MYT1L: variants seen among roughly 807,000 people sequenced by gnomAD.
The protein encoded by MYT1L is myelin transcription factor 1 like.
In MYT1L, 12 loss-of-function variants were observed where a neutral mutation model predicts 126.7. The ratio of observed to expected loss-of-function variants is 0.09; its 90% CI spans 0.06 to 0.15. The LOEUF is 0.15. MYT1L is among the 10% of genes least tolerant of loss of function. The probability of loss-of-function intolerance (pLI) is 1.00; values close to 1 mark genes in which losing one functional copy is unlikely to be tolerated. For missense variants in MYT1L, 979 were observed against 1,585.2 expected, an observed-to-expected ratio of 0.62 and a Z score of 6.49; for synonymous variants, 541 against 604.2, an observed-to-expected ratio of 0.90 and a Z score of 1.53.
chr2:2,123,254 G>A (rs1005687220), intron 3 of MYT1L, among the ~76,000 whole-genome samples: 1 of 152,210 alleles, frequency 6.6e-6, no homozygotes, highest in East Asian at 1.9e-4. Context: ...TGTGGGAGGC[G>A]GAATAATGCT....
At chr2:2,070,894 C>T (rs1024300648) in intron 3 of MYT1L, among the ~76,000 whole-genome samples, 2 of 152,136 alleles carry the variant, frequency 1.3e-5, no homozygotes, top group Non-Finnish European at 2.9e-5. Flanking sequence ...GTCTACATAC[C>T]TGCATTCCTA....
chr2:1,820,623 T>G (rs1411066599), intron 21 of MYT1L, among the ~76,000 whole-genome samples: 1 of 152,160 alleles, frequency 6.6e-6, no homozygotes, highest in Non-Finnish European at 1.5e-5. Flanking sequence ...TCATACTCAC[T>G]GCAGCCTCCA....
intron 3 of MYT1L, among the ~76,000 whole-genome samples, chr2:2,080,164 T>C (rs77689854): frequency 0.015 from 2,344 of 152,230 alleles, 58 homozygotes; most frequent in African/African-American, 0.054. Flanking sequence ...TATACAAACA[T>C]GGACGCAAAA....
intron 1 of MYT1L, among the ~76,000 whole-genome samples, chr2:2,306,461 C>A (rs2149565647): frequency 6.6e-6 from 1 of 152,202 alleles, no homozygotes. Flanking sequence ...ATCTTTATTC[C>A]ACATCATTGT....
intron 8 of MYT1L, among the ~76,000 whole-genome samples, chr2:1,953,045 C>T (rs2058031690): frequency 1.3e-5 from 2 of 150,542 alleles, no homozygotes; most frequent in East Asian, 4.0e-4. Context: ...TTTCCTTCCA[C>T]CCACCTCCAC....
chr2:2,097,943 G>A (rs955225131), intron 3 of MYT1L, among the ~76,000 whole-genome samples: 1 of 152,134 alleles, frequency 6.6e-6, no homozygotes, highest in Non-Finnish European at 1.5e-5. Flanking sequence ...CTGAGTTCAT[G>A]TAAGATCTGG....
chr2:2,147,590 C>T (rs1203914211), intron 3 of MYT1L, among the ~76,000 whole-genome samples: 1 of 152,254 alleles, frequency 6.6e-6, no homozygotes, highest in Admixed American at 6.5e-5. Context: ...CTGCCACCAA[C>T]ACTTCAGCTC....
At chr2:2,185,060 A>T (rs1400202041) in intron 2 of MYT1L, among the ~76,000 whole-genome samples, 3 of 152,174 alleles carry the variant, frequency 2.0e-5, no homozygotes, top group Non-Finnish European at 4.4e-5. Flanking sequence ...CAGCTCCTGC[A>T]TTTAGAAAAT....
intron 2 of MYT1L, among the ~76,000 whole-genome samples, chr2:2,283,949 G>A (rs1379059275): frequency 6.6e-6 from 1 of 152,170 alleles, no homozygotes; most frequent in Non-Finnish European, 1.5e-5. Context: ...AGGGCTTCAA[G>A]AGAGCCAGCC....
chr2:2,143,541 G>A (rs1048781747), intron 3 of MYT1L, among the ~76,000 whole-genome samples: 2 of 152,008 alleles, frequency 1.3e-5, no homozygotes, highest in African/African-American at 2.4e-5. Context: ...ACTTACTCAC[G>A]TACCACTGAG....
intron 1 of MYT1L, among the ~76,000 whole-genome samples, chr2:2,306,605 A>G (rs1241463818): frequency 1.3e-5 from 2 of 152,132 alleles, no homozygotes; most frequent in African/African-American, 2.4e-5. Flanking sequence ...CATAACACAG[A>G]TCAAAGAGAG....
At chr2:2,135,503 A>AT (rs1167192546) in intron 3 of MYT1L, among the ~76,000 whole-genome samples, 3 of 152,202 alleles carry the variant, frequency 2.0e-5, no homozygotes, top group African/African-American at 7.2e-5. Context: ...TAAGCTACTA[A>AT]TTTCTTACCT....
At chr2:1,837,859 T>G (rs547184889) in intron 21 of MYT1L, among the ~76,000 whole-genome samples, 1 of 151,000 alleles carries the variant, frequency 6.6e-6, no homozygotes, top group African/African-American at 2.4e-5. Flanking sequence ...AGGGATTAGG[T>G]CGGGGAAAGG....
chr2:1,977,421 A>C (rs1005210643), intron 8 of MYT1L, among the ~76,000 whole-genome samples: 3 of 152,228 alleles, frequency 2.0e-5, no homozygotes, highest in African/African-American at 7.2e-5. Context: ...GCTTGAAATT[A>C]TTTGGAAACG....
intron 2 of MYT1L, among the ~76,000 whole-genome samples, chr2:2,271,710 G>T (rs1168493326): frequency 6.6e-6 from 1 of 152,198 alleles, no homozygotes; most frequent in African/African-American, 2.4e-5. Context: ...CTGCATCCTG[G>T]CTGTCAAATG....
chr2:1,858,673 G>A (rs2044210556), intron 18 of MYT1L, among the ~76,000 whole-genome samples: 1 of 152,170 alleles, frequency 6.6e-6, no homozygotes, highest in African/African-American at 2.4e-5. Flanking sequence ...TTCTTAAAGA[G>A]ATTTCCTAAA....
chr2:2,185,104 A>G (rs557418627), intron 2 of MYT1L, among the ~76,000 whole-genome samples: 2 of 152,270 alleles, frequency 1.3e-5, no homozygotes, highest in African/African-American at 4.8e-5. Flanking sequence ...GTCACCAGCC[A>G]GCAACTCTTC....
intron 3 of MYT1L, among the ~76,000 whole-genome samples, chr2:2,094,360 G>A (rs1420484046): frequency 1.3e-5 from 2 of 152,180 alleles, no homozygotes; most frequent in Non-Finnish European, 2.9e-5. Flanking sequence ...AGACAGTGTG[G>A]CAGTGATTTC....
intron 18 of MYT1L, among the ~76,000 whole-genome samples, chr2:1,865,774 C>A (rs2045383090): frequency 6.6e-6 from 1 of 152,108 alleles, no homozygotes; most frequent in South Asian, 2.1e-4. Flanking sequence ...ATGCTCAGTA[C>A]ACAAGGCGCG....
Sources: allele counts gnomAD v4.1 joint callset (sites outside exome capture counted in the v4.1 genomes callset), GRCh38; gene constraint gnomAD v4.1.1; transcripts MANE v1.5; gene names NCBI Gene and HGNC (gene_info 2026-07-23, HGNC 2026-07-21).